BIN1: variants seen among roughly 807,000 people sequenced by gnomAD.
BIN1 encodes the protein bridging integrator 1.
Under a neutral mutation model 82.0 loss-of-function variants are expected in BIN1, and 53 were observed. The observed-to-expected ratio is 0.65, with a 90% CI of 0.52 to 0.81. BIN1 has a LOEUF of 0.81. Ranked by LOEUF, BIN1 falls within the 40% of genes least tolerant of loss-of-function variation. The pLI is 0.00. For missense variants in BIN1, 642 were observed against 784.4 expected, an observed-to-expected ratio of 0.82 and a Z score of 2.17; for synonymous variants, 302 against 328.0, an observed-to-expected ratio of 0.92 and a Z score of 0.86.
At chr2:127,096,395 T>C (rs1679612473) in intron 1 of BIN1, among the ~76,000 whole-genome samples, 1 of 152,168 alleles carries the variant, frequency 6.6e-6, no homozygotes, top group African/African-American at 2.4e-5. Flanking sequence ...AGATGCTCCC[T>C]GGGAAAGAGC....
intron 5 of BIN1, among the ~76,000 whole-genome samples, chr2:127,069,725 CGCA>C (rs1439626667): frequency 7.3e-6 from 1 of 136,072 alleles, no homozygotes; most frequent in Non-Finnish European, 1.6e-5. Context: ...CCAGCCACTC[CGCA>C]GCAACACACA....
In BIN1 at chr2:127,062,174, C is replaced by T. The variant is rs773502074; in HGVS notation, c.798G>A (p.Val266=). The stretch of plus-strand genomic sequence containing the variant: ...CGTGTTGCTTCTCCAGGCCGACCAG[C>T]ACATCATTGAGGTTCTGGTTGAGCT... ...MSKLNQNLND[V]LVGLEKQHGS... is the part of the protein sequence containing the mutation. Residue 266 remains valine (V), a synonymous_variant, in exon 10 of 19, where the codon GTG becomes GTA. Coordinates refer to ENST00000316724, the MANE Select transcript of BIN1 (RefSeq NM_139343.3). The T allele has an allele frequency of 2.5e-6, 4 of 1,609,472 alleles. No homozygotes were observed. In the South Asian group the frequency reaches 4.4e-5, roughly 18 times the overall value.
intron 1 of BIN1, among the ~76,000 whole-genome samples, chr2:127,105,182 AG>A (rs1680879142): frequency 6.6e-6 from 1 of 152,142 alleles, no homozygotes; most frequent in Non-Finnish European, 1.5e-5. Context: ...AAAGACAACC[AG>A]GGCAAAGGAG....
At chr2:127,061,509 G>T (rs1030864892) in intron 10 of BIN1, among the ~76,000 whole-genome samples, 1 of 152,176 alleles carries the variant, frequency 6.6e-6, no homozygotes, top group African/African-American at 2.4e-5. Flanking sequence ...GGCCAGAAGG[G>T]AGGGGAAGTC....
chr2:127,078,488 T>G (rs1239774352), intron 1 of BIN1, among the ~76,000 whole-genome samples: 1 of 151,970 alleles, frequency 6.6e-6, no homozygotes, highest in Non-Finnish European at 1.5e-5. Context: ...GAGTTTTGAA[T>G]TGCTCAAGGT....
chr2:127,087,532 G>C (rs1006246483), intron 1 of BIN1, among the ~76,000 whole-genome samples: 2 of 152,226 alleles, frequency 1.3e-5, no homozygotes, highest in Non-Finnish European at 2.9e-5. Context: ...AGAGCACACA[G>C]CGTGAGTGGA....
intron 12 of BIN1, 40 bp from the exon 13 acceptor site, chr2:127,054,052 T>G (rs1187683909): frequency 1.3e-6 from 2 of 1,533,486 alleles, no homozygotes; most frequent in Non-Finnish European, 1.8e-6. Context: ...AAGCAGTTAG[T>G]GTTAAGCTGG....
Position 127,106,892 on chromosome 2 carries a change from C to A in BIN1, c.52G>T (p.Val18Leu). Reference sequence around the variant, plus strand: ...TGCGCGCGGGTGAGCTTCTTCTGCACGTTGCTGGCGATCTTTCCCGCCGTC... The same window carrying A: ...TGCGCGCGGGTGAGCTTCTTCTGCAAGTTGCTGGCGATCTTTCCCGCCGTC... ...GVTAGKIASN[V>L]QKKLTRAQEK... The change falls in exon 1 of 19, where the codon GTG becomes TTG. Residue 18 changes from valine to leucine, a missense_variant. Transcript: ENST00000316724. 1 of 1,612,358 alleles carries A rather than the reference C, an allele frequency of 6.2e-7. No individual in the cohort carries two copies. Among genetic ancestry groups the A allele is most frequent in the Non-Finnish European group, 8.5e-7 (1 of 1,179,618 alleles).
intron 1 of BIN1, among the ~76,000 whole-genome samples, chr2:127,091,795 G>C (rs1678963944): frequency 6.6e-6 from 1 of 152,114 alleles, no homozygotes; most frequent in South Asian, 2.1e-4. Context: ...TACCCGGGAG[G>C]CTGAAGCAGG....
chr2:127,070,081 G>T lies in BIN1; in HGVS notation c.325C>A (p.Leu109Met), dbSNP rs931469037. The change falls in exon 5 of 19, where the codon CTG (leucine) becomes ATG (methionine). Residue 109 changes from leucine (L) to methionine (M), a missense_variant. Transcript: ENST00000316724. ...TTCTGGTGGTAATCCATCCACAGCAGGTCGTTGTTCTGAGACAGGCAAGAG... is the reference window on the plus strand; with the variant it reads ...TTCTGGTGGTAATCCATCCACAGCATGTCGTTGTTCTGAGACAGGCAAGAG... ...EANKIAENNDLLWMDYHQKLV... is the reference protein window; with the variant it reads ...EANKIAENNDMLWMDYHQKLV... 1.9e-6 allele frequency: 3 copies of T among 1,613,976 alleles called. No homozygotes were observed. The highest frequency in any genetic ancestry group is 2.5e-6 in the Non-Finnish European group (3 of 1,179,968).
At chr2:127,102,039 G>A (rs111949095) in intron 1 of BIN1, among the ~76,000 whole-genome samples, 325 of 152,276 alleles carry the variant, frequency 2.1e-3, no homozygotes, top group Admixed American at 3.1e-3. Flanking sequence ...CACCTGCCTG[G>A]GGCTTTACTT....
intron 1 of BIN1, among the ~76,000 whole-genome samples, chr2:127,096,203 A>C (rs1041548802): frequency 6.6e-6 from 1 of 151,974 alleles, no homozygotes; most frequent in Non-Finnish European, 1.5e-5. Context: ...GTCAAAGGAG[A>C]GCTGACTTCT....
intron 7 of BIN1, among the ~76,000 whole-genome samples, chr2:127,065,389 T>C (rs1256912311): frequency 2.6e-5 from 4 of 152,128 alleles, no homozygotes; most frequent in Non-Finnish European, 5.9e-5. Context: ...AGGAGGGGAA[T>C]ACTGCCCCTC....
At chr2:127,054,095 A>C in intron 12 of BIN1, 83 bp from the exon 13 acceptor site, 1 of 1,162,304 alleles carries the variant, frequency 8.6e-7, no homozygotes, top group Non-Finnish European at 1.3e-6. Flanking sequence ...CTGCAGGCAC[A>C]GGCACACGCG....
intron 1 of BIN1, among the ~76,000 whole-genome samples, chr2:127,077,437 G>A (rs1045081393): frequency 1.3e-5 from 2 of 152,168 alleles, no homozygotes; most frequent in African/African-American, 4.8e-5. Flanking sequence ...GTGGCAGGGG[G>A]AGATGAAGGA....
At position 127,076,211 on chromosome 2, in the gene BIN1, T is replaced by C. The variant is rs537511593; in HGVS notation, c.165+415A>G. ...CTGCCACACAGCCAGGCACACACCA[T>C]GCTCAGCAGATGCCCAAATCAAACC... is the stretch of plus-strand genomic sequence containing the variant. On this transcript the variant is annotated intron_variant, in intron 2 of 18. Coordinates refer to ENST00000316724, the MANE Select transcript of BIN1 (RefSeq NM_139343.3). 5.3e-5 allele frequency among the ~76,000 whole-genome samples: 8 copies of C among 152,248 alleles called. No individual in the cohort carries two copies. In the East Asian group the frequency reaches 1.5e-3, roughly 29 times the overall value.
chr2:127,101,977 G>C (rs1466085504), intron 1 of BIN1, among the ~76,000 whole-genome samples: 1 of 152,160 alleles, frequency 6.6e-6, no homozygotes, highest in African/African-American at 2.4e-5. Context: ...TGGGCTCAAG[G>C]TGCCGCTCTG....
chr2:127,051,313 C>T, intron 15 of BIN1, 70 bp from the exon 16 acceptor site: 3 of 1,528,060 alleles, frequency 2.0e-6, no homozygotes, highest in South Asian at 1.1e-5. Context: ...AAACAGGCCA[C>T]AGGAGGGCAG....
At chr2:127,073,069 C>T (rs924505509) in intron 2 of BIN1, among the ~76,000 whole-genome samples, 1 of 152,216 alleles carries the variant, frequency 6.6e-6, no homozygotes, top group Admixed American at 6.5e-5. Flanking sequence ...CGTTGTGCTC[C>T]CCCGGGCTTC....
Sources: gnomAD v4.1 joint callset for allele counts (sites outside exome capture counted in the v4.1 genomes callset) on GRCh38, gnomAD v4.1.1 for gene constraint, MANE v1.5 for transcripts, NCBI Gene and HGNC (gene_info 2026-07-23, HGNC 2026-07-21) for gene names.